The following ASTN2 variants were observed in gnomAD, a reference collection of about 807,000 sequenced individuals.
The protein encoded by ASTN2 is astrotactin 2.
ASTN2 carries 54 observed loss-of-function variants against 139.8 expected under a neutral mutation model. That is an observed-to-expected ratio of 0.39 (90% CI 0.31 to 0.48). The LOEUF is 0.48. ASTN2 is among the 20% of genes least tolerant of loss of function. ASTN2 has a pLI of 0.95. For synonymous variants in ASTN2, 756 were observed against 719.5 expected (o/e 1.05, Z -0.81); for missense variants, 1,565 against 1,725.1 (o/e 0.91, Z 1.64).
Position 117,414,596 on chromosome 9 carries a change from C to T in ASTN2, c.343G>A (p.Ala115Thr). 6.4e-7 allele frequency: 1 copy of T among 1,569,168 alleles called. No homozygotes were observed. Among genetic ancestry groups the T allele is most frequent in the Non-Finnish European group, 8.6e-7 (1 of 1,161,504 alleles). Residue 115 changes from alanine (A) to threonine (T), a missense_variant, in exon 1 of 23, where the codon GCC becomes ACC. By Grantham distance (58) the Ala-to-Thr change is moderately conservative. Coordinates refer to ENST00000313400, the MANE Select transcript of ASTN2 (RefSeq NM_001365068.1). This position sits in a 1 kb window ranked among gnomAD's most constrained non-coding sequence, Gnocchi z 4.2. ...PGSPGSAGTA[A>T]ESRLLLFVRN... ...ACAAAGAGCAGGAGGCGCGACTCGG[C>T]GGCGGTGCCGGCAGAGCCAGGAGAG...
intron 13 of ASTN2, among the ~76,000 whole-genome samples, chr9:116,787,450 C>G (rs1249601198): frequency 1.3e-5 from 2 of 152,176 alleles, no homozygotes; most frequent in African/African-American, 4.8e-5. Context: ...GAAGACAGTA[C>G]CCCTATCTCT....
At chr9:116,831,307 C>T (rs1018427960) in intron 11 of ASTN2, among the ~76,000 whole-genome samples, 1 of 152,134 alleles carries the variant, frequency 6.6e-6, no homozygotes, top group Non-Finnish European at 1.5e-5. Context: ...TTCACTACTA[C>T]ACAATGTATG....
chr9:116,437,791 A>C (rs184518153), intron 22 of ASTN2, among the ~76,000 whole-genome samples: 1 of 152,360 alleles, frequency 6.6e-6, no homozygotes, highest in African/African-American at 2.4e-5. Context: ...TTTTATCTAA[A>C]GAACCTTCCT....
chr9:116,674,967 T>G (rs943052704), intron 16 of ASTN2, among the ~76,000 whole-genome samples: 1 of 152,142 alleles, frequency 6.6e-6, no homozygotes, highest in African/African-American at 2.4e-5. Flanking sequence ...TTACTCTTTC[T>G]CCATTGCAAT....
At position 117,262,409 on chromosome 9, in the gene ASTN2, A is replaced by AT. The variant is rs1244281307; in HGVS notation, c.630+28916dup. On this transcript the variant is annotated intron_variant, in intron 2 of 22. Transcript: ENST00000313400. ...ATTCTGTTTCTTTTTTTATTTATTT[A>AT]TTTATTTATTTTTTATCTCCTTAGC... Among the ~76,000 whole-genome samples, 671 of 79,572 alleles carry AT rather than the reference A, an allele frequency of 8.4e-3. 14 individuals carry two copies. The highest frequency in any genetic ancestry group is 0.073 in the Admixed American group (426 of 5,818). The allele number at this position is 79,572 out of a possible 152,430, so 52.2% of individuals were successfully genotyped here.
At position 116,875,357 on chromosome 9, in the gene ASTN2, A is replaced by G. The variant is rs150070769; in HGVS notation, c.1890-11624T>C. On this transcript the variant is annotated intron_variant, in intron 10 of 22. Coordinates refer to ENST00000313400, the MANE Select transcript of ASTN2 (RefSeq NM_001365068.1). The stretch of plus-strand genomic sequence containing the variant: ...ATTCCCTTAAACCCAAACTAGGACA[A>G]GGTCCTAATTCTCTTCAATTCTATG... Among the ~76,000 whole-genome samples the G allele has an allele frequency of 2.8e-4, 43 of 152,346 alleles. No individual in the cohort carries two copies. The East Asian group carries it at 6.6e-3, about 23-fold the overall frequency.
In ASTN2 at chr9:116,805,771, G is replaced by T. The variant is rs1238865036; in HGVS notation, c.2257C>A (p.Leu753Ile). Residue 753 changes from leucine (L) to isoleucine (I), a missense_variant, in exon 13 of 23, where the codon CTC (leucine) becomes ATC (isoleucine). Around this residue, in one of 4 missense-constraint regions of ASTN2, gnomAD observed 503 missense variants for 591.7 expected, o/e 0.85. Transcript: ENST00000313400. Reference protein sequence around the residue: ...LAPDGKSCLMLSDVCEGPKCL... With the variant: ...LAPDGKSCLMISDVCEGPKCL... ...TTGGGGCCCTCGCAGACATCTGAGA[G>T]CATTAAGCAGGATTTTCCATCAGGA... The T allele has an allele frequency of 3.7e-6, 6 of 1,613,898 alleles. No individual in the cohort carries two copies. The highest frequency in any genetic ancestry group is 3.4e-6 in the Non-Finnish European group (4 of 1,179,828).
chr9:116,565,427 A>ATATATATATT (rs1554714243), intron 19 of ASTN2, among the ~76,000 whole-genome samples: 1 of 74,024 alleles, frequency 1.4e-5, no homozygotes, highest in Non-Finnish European at 2.6e-5. Context: ...ATATATATAT[A>ATATATATATT]TATTTATTTA....
intron 6 of ASTN2, among the ~76,000 whole-genome samples, chr9:117,010,476 G>A (rs940641137): frequency 6.6e-6 from 1 of 152,140 alleles, no homozygotes; most frequent in Non-Finnish European, 1.5e-5. Flanking sequence ...GCTACACAGT[G>A]CAGTGATAAA....
intron 12 of ASTN2, among the ~76,000 whole-genome samples, chr9:116,807,449 T>G (rs1831057505): frequency 6.6e-6 from 1 of 152,244 alleles, no homozygotes; most frequent in Non-Finnish European, 1.5e-5. Flanking sequence ...ACTGCACTGA[T>G]GCACTGATGG....
intron 13 of ASTN2, among the ~76,000 whole-genome samples, chr9:116,764,734 G>C (rs1353605643): frequency 6.6e-6 from 1 of 152,116 alleles, no homozygotes; most frequent in Non-Finnish European, 1.5e-5. Context: ...CCTTCAAGGA[G>C]TTTAGAGTAC....
At chr9:116,513,694 T>C (rs918407765) in intron 19 of ASTN2, among the ~76,000 whole-genome samples, 5 of 152,152 alleles carry the variant, frequency 3.3e-5, no homozygotes, top group Non-Finnish European at 5.9e-5. Context: ...AGGCTTTGTT[T>C]GTTTCTTTTT....
At chr9:116,537,038 C>T (rs900458370) in intron 19 of ASTN2, among the ~76,000 whole-genome samples, 1 of 152,238 alleles carries the variant, frequency 6.6e-6, no homozygotes, top group African/African-American at 2.4e-5. Flanking sequence ...TGTTTACCTA[C>T]TCAAGCCTCA....
chr9:116,532,023 A>G (rs1309427344), intron 19 of ASTN2, among the ~76,000 whole-genome samples: 2 of 152,144 alleles, frequency 1.3e-5, no homozygotes, highest in African/African-American at 2.4e-5. Context: ...CCTCTCCAGC[A>G]CCTGTTGTTT....
chr9:117,164,841 A>G (rs1378608540), intron 3 of ASTN2, among the ~76,000 whole-genome samples: 1 of 152,102 alleles, frequency 6.6e-6, no homozygotes, highest in Non-Finnish European at 1.5e-5. Flanking sequence ...AAATGGTGAT[A>G]GCCAAGTTGA....
chr9:116,479,345 A>G (rs1213339884), intron 20 of ASTN2, among the ~76,000 whole-genome samples: 2 of 152,204 alleles, frequency 1.3e-5, no homozygotes, highest in Non-Finnish European at 2.9e-5. Flanking sequence ...ATTTCATCTA[A>G]TATATAATTA....
intron 19 of ASTN2, among the ~76,000 whole-genome samples, chr9:116,544,241 T>C (rs921258275): frequency 2.6e-5 from 4 of 152,066 alleles, no homozygotes; most frequent in Admixed American, 2.6e-4. Context: ...AATGAGGTAT[T>C]TGGATGAAAA....
chr9:116,960,670 G>A lies in ASTN2; in HGVS notation c.1889+14538C>T, dbSNP rs150993752. ...CTCCCAGTTGTAACCCCCCAGAAAT[G>A]TTTCCAGCGATTGCCAAATGTCTTC... On this transcript the variant is annotated intron_variant, in intron 10 of 22. Transcript: ENST00000313400. Among the ~76,000 whole-genome samples, 824 of 151,880 alleles carry A rather than the reference G, an allele frequency of 5.4e-3. 1 individual carries two copies. The highest frequency in any genetic ancestry group is 8.5e-3 in the Non-Finnish European group (581 of 67,968).
At chr9:116,574,338 CT>C (rs1853638839) in intron 19 of ASTN2, among the ~76,000 whole-genome samples, 1 of 152,074 alleles carries the variant, frequency 6.6e-6, no homozygotes, top group Non-Finnish European at 1.5e-5. Context: ...GAAATGTGGC[CT>C]TTTTTGGCTA....
Sources: gnomAD v4.1 joint callset for allele counts (sites outside exome capture counted in the v4.1 genomes callset) on GRCh38, gnomAD v4.1.1 for gene constraint, gnomAD v4.1.1 regional missense constraint, Gnocchi (gnomAD v3.1) non-coding constraint, MANE v1.5 for transcripts, NCBI Gene and HGNC (gene_info 2026-07-23, HGNC 2026-07-21) for gene names.